The following ANKS3 variants were observed in gnomAD, a reference collection of about 807,000 sequenced individuals.
ANKS3 encodes ankyrin repeat and SAM domain-containing protein 3.
Under a neutral mutation model 80.7 loss-of-function variants are expected in ANKS3, and 62 were observed. That is an observed-to-expected ratio of 0.77 (90% CI 0.63 to 0.95). ANKS3 has a LOEUF of 0.95. ANKS3 is among the 40% of genes least tolerant of loss of function. The pLI, the probability that ANKS3 is intolerant of heterozygous loss-of-function variation, is 0.00. For synonymous variants in ANKS3, 489 were observed against 355.3 expected (o/e 1.38, Z -4.23); for missense variants, 1,150 against 883.6 (o/e 1.30, Z -3.82).
At chr16:4,718,879 C>A (rs1035056659) in intron 6 of ANKS3, among the ~76,000 whole-genome samples, 1 of 152,146 alleles carries the variant, frequency 6.6e-6, no homozygotes, top group African/African-American at 2.4e-5. Flanking sequence ...TTAGGAAATA[C>A]ATAATGAAAT....
At chr16:4,707,368 G>A (rs771527072) in intron 7 of ANKS3, among the ~76,000 whole-genome samples, 8 of 146,406 alleles carry the variant, frequency 5.5e-5, no homozygotes, top group East Asian at 2.0e-4. Flanking sequence ...TGTAACCTCC[G>A]CCTCCCGGGT....
At chr16:4,700,687 G>A (rs564778638) in intron 11 of ANKS3, 16 of 537,514 alleles carry the variant, frequency 3.0e-5, no homozygotes, top group African/African-American at 2.8e-4. Context: ...CAGCTCTGAG[G>A]TCAAGTGTGC....
intron 7 of ANKS3, among the ~76,000 whole-genome samples, chr16:4,705,718 C>T (rs933564909): frequency 2.6e-5 from 4 of 152,068 alleles, no homozygotes; most frequent in African/African-American, 9.7e-5. Flanking sequence ...CCTTGGCCTC[C>T]CAAAGTGCTG....
intron 6 of ANKS3, among the ~76,000 whole-genome samples, chr16:4,720,937 A>AAAAC (rs1305450325): frequency 2.7e-4 from 41 of 149,846 alleles, no homozygotes; most frequent in African/African-American, 7.3e-4. Context: ...ACTCCATCTC[A>AAAAC]AAACAAACAA....
chr16:4,709,826 T>C (rs1029299040), intron 7 of ANKS3, among the ~76,000 whole-genome samples: 2 of 151,870 alleles, frequency 1.3e-5, no homozygotes, highest in African/African-American at 4.8e-5. Flanking sequence ...ACCTGGTCAG[T>C]ATAGCAAGAC....
rs189697657 is a variant in ANKS3 at position 4,701,727 on chromosome 16, C to T, written c.1010-184G>A. On this transcript the variant is annotated intron_variant, in intron 9 of 17. Transcript: ENST00000304283. ...CTATACAGACGGGCAGGGCTTCTGTCTTTTTTGTTCACTGATAAATCCCAA... is the reference window on the plus strand; with the variant it reads ...CTATACAGACGGGCAGGGCTTCTGTTTTTTTTGTTCACTGATAAATCCCAA... The T allele has an allele frequency of 3.3e-3, 1,814 of 546,356 alleles. 5 individuals are homozygous for T. The highest frequency in any genetic ancestry group is 4.5e-3 in the Non-Finnish European group (1,392 of 312,792). 33.8% of individuals were successfully genotyped at this position (546,356 alleles called of 1,614,324 possible). A position where few individuals can be genotyped will look rare whatever the true frequency, so the allele number is the denominator to read the frequency against.
In ANKS3 at chr16:4,701,518, C is replaced by T; in HGVS notation, c.1035G>A (p.Leu345=). The T allele has an allele frequency of 1.2e-6, 2 of 1,611,462 alleles. No homozygotes were observed. The highest frequency in any genetic ancestry group is 1.7e-6 in the Non-Finnish European group (2 of 1,178,710). ...TGCTGCTGCTGCTCTGGACGGGCCC[C>T]AGGTTGGCACAGAAAGCATGTTCCT... ...SREEHAFCAN[L]GPVQSSSSSE... is the part of the protein sequence containing the mutation. Residue 345 remains leucine, a synonymous_variant, in exon 10 of 18, where the codon CTG becomes CTA. Coordinates refer to ENST00000304283, the MANE Select transcript of ANKS3 (RefSeq NM_133450.4).
chr16:4,699,053 T>G lies in ANKS3; in HGVS notation c.1408A>C (p.Thr470Pro). The change falls in exon 12 of 18, where the codon ACG becomes CCG. Residue 470 changes from threonine (T) to proline (P), a missense_variant and splice_region_variant. Transcript: ENST00000304283. Reference protein sequence around the residue: ...TESDLKEIGITLFGPKRKMTS... With the variant: ...TESDLKEIGIPLFGPKRKMTS... ...CCAGAGCGGCCCTTCTGGACGCACG[T>G]GATGCCAATTTCCTTCAGGTCGCTC... The G allele has an allele frequency of 6.2e-7, 1 of 1,614,144 alleles. No individual in the cohort carries two copies. Among genetic ancestry groups the G allele is most frequent in the Non-Finnish European group, 8.5e-7 (1 of 1,180,026 alleles).
At chr16:4,714,967 G>A (rs537281390) in intron 6 of ANKS3, among the ~76,000 whole-genome samples, 2 of 108,022 alleles carry the variant, frequency 1.9e-5, no homozygotes, top group African/African-American at 3.8e-5. Flanking sequence ...ACTCCAGCCT[G>A]AAGACAGAGT....
At chr16:4,722,945 GA>G (rs2081179470) in intron 6 of ANKS3, among the ~76,000 whole-genome samples, 1 of 148,082 alleles carries the variant, frequency 6.8e-6, no homozygotes, top group African/African-American at 2.5e-5. Flanking sequence ...AAAAAAAAAA[GA>G]AAAAAATTTC....
chr16:4,711,977 G>C (rs997541300), intron 7 of ANKS3, among the ~76,000 whole-genome samples: 12 of 152,140 alleles, frequency 7.9e-5, no homozygotes, highest in African/African-American at 2.9e-4. Context: ...CTAATGCTAC[G>C]TGTATTGTCC....
At chr16:4,701,265 G>T in intron 10 of ANKS3, 131 bp from the exon 11 acceptor site, 2 of 1,463,410 alleles carry the variant, frequency 1.4e-6, no homozygotes, top group Non-Finnish European at 1.9e-6. Context: ...GGCTTCCGGT[G>T]CGTTCGCTGT....
intron 6 of ANKS3, among the ~76,000 whole-genome samples, chr16:4,720,015 A>G (rs1259750709): frequency 6.7e-6 from 1 of 149,794 alleles, no homozygotes; most frequent in Non-Finnish European, 1.5e-5. Flanking sequence ...TACAAAAATT[A>G]GCTGGATATG....
chr16:4,727,130 A>G lies in ANKS3; in HGVS notation c.218T>C (p.Leu73Pro). 6.2e-7 allele frequency: 1 copy of G among 1,614,180 alleles called. No homozygotes were observed. The highest frequency in any genetic ancestry group is 8.5e-7 in the Non-Finnish European group (1 of 1,180,024). The change falls in exon 4 of 18, where the codon CTG (leucine) becomes CCG (proline). Residue 73 changes from leucine (L) to proline (P), a missense_variant. Transcript: ENST00000304283. ...NKKNGGGWTPLMYASYIGHDT... is the reference protein window; with the variant it reads ...NKKNGGGWTPPMYASYIGHDT... ...GTGGCCAATGTAGGAGGCATACATCAGCGGGGTCCAGCCACCACCATTCTT... is the reference window on the plus strand; with the variant it reads ...GTGGCCAATGTAGGAGGCATACATCGGCGGGGTCCAGCCACCACCATTCTT...
At chr16:4,721,050 A>T (rs976094053) in intron 6 of ANKS3, among the ~76,000 whole-genome samples, 1 of 150,584 alleles carries the variant, frequency 6.6e-6, no homozygotes, top group Non-Finnish European at 1.5e-5. Flanking sequence ...TCACGCCTGT[A>T]ATCCCAGCAC....
chr16:4,725,943 C>T (rs922265170), intron 5 of ANKS3, among the ~76,000 whole-genome samples: 1 of 151,124 alleles, frequency 6.6e-6, no homozygotes, highest in African/African-American at 2.4e-5. Context: ...CAGGTGTGAG[C>T]CACTGAGCCC....
chr16:4,702,866 G>A (rs1179070597), intron 8 of ANKS3, among the ~76,000 whole-genome samples: 3 of 152,094 alleles, frequency 2.0e-5, no homozygotes, highest in Admixed American at 2.0e-4. Flanking sequence ...GACCAGTCAC[G>A]GTGGCACATG....
Position 4,696,744 on chromosome 16 carries a change from AGCCCCCGTCTT to A in ANKS3, c.*153_*163del. The A allele has an allele frequency of 1.9e-6, 1 of 520,766 alleles. No homozygotes were observed. The highest frequency in any genetic ancestry group is 3.5e-6 in the Non-Finnish European group (1 of 286,610). The allele number at this position is 520,766 out of a possible 1,614,324, so 32.3% of individuals were successfully genotyped here. ...GCCCGAGCTGCCGAGCCAGGGCCGC[AGCCCCCGTCTT>A]GCCTCTGTCTGCCGGCTGCTCCCGG... On this transcript the variant is annotated 3_prime_UTR_variant, in exon 18 of 18. Coordinates refer to ENST00000304283, the MANE Select transcript of ANKS3 (RefSeq NM_133450.4).
chr16:4,718,550 T>C (rs1481630554), intron 6 of ANKS3, among the ~76,000 whole-genome samples: 2 of 152,210 alleles, frequency 1.3e-5, no homozygotes, highest in Non-Finnish European at 2.9e-5. Flanking sequence ...CCCCATTCTC[T>C]ACCTCCAGAA....
Sources: gnomAD v4.1 joint callset for allele counts (sites outside exome capture counted in the v4.1 genomes callset) on GRCh38, gnomAD v4.1.1 for gene constraint, MANE v1.5 for transcripts, NCBI Gene and HGNC (gene_info 2026-07-23, HGNC 2026-07-21) for gene names.